Variants in ERI3 observed in about 807,000 individuals in gnomAD.
ERI3 encodes ERI1 exoribonuclease 3.
Under a neutral mutation model 44.4 loss-of-function variants are expected in ERI3, and 18 were observed. The observed-to-expected ratio is 0.41, with a 90% CI of 0.28 to 0.60. The LOEUF (loss-of-function observed/expected upper bound fraction) is 0.60, where lower values mean the gene tolerates loss of function less well. Among genes scored for constraint, ERI3 ranks in the 20% least tolerant of loss-of-function variants. ERI3 has a pLI of 0.36. For synonymous variants in ERI3, 183 were observed against 164.8 expected, an observed-to-expected ratio of 1.11 and a Z score of -0.84; for missense variants, 294 against 435.5, an observed-to-expected ratio of 0.68 and a Z score of 2.89.
At chr1:44,320,587 C>A (rs184385212) in intron 3 of ERI3, among the ~76,000 whole-genome samples, 31 of 151,956 alleles carry the variant, frequency 2.0e-4, no homozygotes, top group African/African-American at 6.0e-4. Context: ...AGAGCACGTG[C>A]GTACCAGAGA....
intron 5 of ERI3, 79 bp downstream of exon 5, chr1:44,313,090 G>A (rs1646008337): frequency 1.6e-6 from 2 of 1,227,722 alleles, no homozygotes; most frequent in South Asian, 1.2e-5. Context: ...AAATTACACG[G>A]CTACATTCTC....
chr1:44,233,103 T>A (rs1355601652), intron 8 of ERI3, among the ~76,000 whole-genome samples: 1 of 152,164 alleles, frequency 6.6e-6, no homozygotes, highest in Non-Finnish European at 1.5e-5. Context: ...CACAACCATA[T>A]AGACTAGTGC....
chr1:44,328,878 C>T (rs1177740016), intron 3 of ERI3, among the ~76,000 whole-genome samples: 1 of 152,170 alleles, frequency 6.6e-6, no homozygotes, highest in African/African-American at 2.4e-5. Context: ...CTAACCATCG[C>T]TAGCTCTTAT....
intron 5 of ERI3, 87 bp from the exon 6 acceptor site, chr1:44,308,488 C>T: frequency 9.8e-7 from 1 of 1,019,892 alleles, no homozygotes; most frequent in East Asian, 2.4e-5. Context: ...AGATAAGCTG[C>T]TTGTAATCAG....
intron 8 of ERI3, among the ~76,000 whole-genome samples, chr1:44,229,531 AG>A (rs1387106893): frequency 6.6e-6 from 1 of 152,194 alleles, no homozygotes; most frequent in Non-Finnish European, 1.5e-5. Context: ...GATCAGATAA[AG>A]AGGGAATTTT....
At chr1:44,245,008 G>T (rs1644524530) in intron 8 of ERI3, among the ~76,000 whole-genome samples, 1 of 152,100 alleles carries the variant, frequency 6.6e-6, no homozygotes, top group African/African-American at 2.4e-5. Flanking sequence ...CCCCACTCCA[G>T]GCTGGCAGCT....
chr1:44,317,904 T>C (rs986874418), intron 4 of ERI3, among the ~76,000 whole-genome samples: 1 of 152,140 alleles, frequency 6.6e-6, no homozygotes, highest in African/African-American at 2.4e-5. Context: ...GACAAGATCA[T>C]GGCGAGTTTT....
intron 5 of ERI3, among the ~76,000 whole-genome samples, chr1:44,309,716 C>A (rs2154327764): frequency 6.6e-6 from 1 of 151,902 alleles, no homozygotes; most frequent in South Asian, 2.1e-4. Flanking sequence ...AGGCGCCTGC[C>A]ACCATGCCTG....
chr1:44,289,315 A>G (rs1028459109), intron 6 of ERI3, among the ~76,000 whole-genome samples: 1 of 152,138 alleles, frequency 6.6e-6, no homozygotes, highest in African/African-American at 2.4e-5. Context: ...TCCAAAGACT[A>G]TGGGTCTAAG....
At chr1:44,236,240 A>G (rs1363891063) in intron 8 of ERI3, among the ~76,000 whole-genome samples, 4 of 152,230 alleles carry the variant, frequency 2.6e-5, no homozygotes, top group African/African-American at 7.2e-5. Context: ...CAATTCAAAC[A>G]GCACATTTTA....
intron 7 of ERI3, chr1:44,256,796 GGA>G (rs762522772): frequency 1.3e-5 from 2 of 152,208 alleles, no homozygotes; most frequent in Non-Finnish European, 2.9e-5. Flanking sequence ...ATTTTCAGGT[GGA>G]GTTTTCTCTT....
At chr1:44,347,525 T>G (rs1203729604) in intron 2 of ERI3, among the ~76,000 whole-genome samples, 1 of 152,210 alleles carries the variant, frequency 6.6e-6, no homozygotes, top group Admixed American at 6.5e-5. Context: ...CTTCCATTTT[T>G]TGCCAGACAA....
chr1:44,287,095 G>C (rs1645409340), intron 6 of ERI3, among the ~76,000 whole-genome samples: 1 of 152,192 alleles, frequency 6.6e-6, no homozygotes, highest in African/African-American at 2.4e-5. Context: ...TGATTTTTGA[G>C]TTTGAAATGT....
At chr1:44,259,912 T>C (rs139687856) in intron 7 of ERI3, among the ~76,000 whole-genome samples, 3,487 of 141,864 alleles carry the variant, frequency 0.025, 147 homozygotes, top group African/African-American at 0.094. Context: ...GATAGATAGA[T>C]AGATAGATAG....
intron 3 of ERI3, among the ~76,000 whole-genome samples, chr1:44,333,458 G>C (rs980698683): frequency 1.3e-5 from 2 of 152,120 alleles, no homozygotes; most frequent in African/African-American, 4.8e-5. Context: ...CTACAACCAG[G>C]ACAAGCACAT....
chr1:44,317,146 A>G (rs991033524), intron 4 of ERI3, among the ~76,000 whole-genome samples: 5 of 149,118 alleles, frequency 3.4e-5, no homozygotes, highest in African/African-American at 1.2e-4. Context: ...ATGTGCGTGC[A>G]CACACACACA....
intron 3 of ERI3, 30 bp downstream of exon 3, chr1:44,339,015 C>A (rs112241761): frequency 1.5e-4 from 245 of 1,601,556 alleles, no homozygotes; most frequent in Non-Finnish European, 2.0e-4. Flanking sequence ...GCCCCCCCCA[C>A]CTTTTCTAAA....
chr1:44,278,784 A>G lies in ERI3; in HGVS notation c.831+6051T>C, dbSNP rs138619272. 1.8e-3 allele frequency among the ~76,000 whole-genome samples: 271 copies of G among 152,256 alleles called. 1 individual carries two copies. The highest frequency in any genetic ancestry group is 6.2e-3 in the African/African-American group (257 of 41,552). On this transcript the variant is annotated intron_variant, in intron 7 of 8. Transcript: ENST00000372257. Reference sequence around the variant, plus strand: ...CCGACTAATTTTTTGTATTTTTTAAATAAAGACGAGGTTTTGCCATGTTGG... The same window carrying G: ...CCGACTAATTTTTTGTATTTTTTAAGTAAAGACGAGGTTTTGCCATGTTGG...
At chr1:44,246,394 T>G (rs1257785292) in intron 8 of ERI3, among the ~76,000 whole-genome samples, 5 of 152,214 alleles carry the variant, frequency 3.3e-5, no homozygotes, top group Non-Finnish European at 7.3e-5. Flanking sequence ...CTCCCAGGCA[T>G]ATTACACTGC....
Sources: allele counts gnomAD v4.1 joint callset (sites outside exome capture counted in the v4.1 genomes callset), GRCh38; gene constraint gnomAD v4.1.1; transcripts MANE v1.5; gene names NCBI Gene and HGNC (gene_info 2026-07-23, HGNC 2026-07-21).